Variants in RUNX2 observed in about 807,000 individuals in gnomAD.
The protein encoded by RUNX2 is runt-related transcription factor 2.
In RUNX2, 10 loss-of-function variants were observed where a neutral mutation model predicts 51.7. The ratio of observed to expected loss-of-function variants is 0.19; its 90% CI spans 0.12 to 0.33. The LOEUF (loss-of-function observed/expected upper bound fraction) is 0.33. Ranked by LOEUF, RUNX2 falls within the 10% of genes least tolerant of loss-of-function variation. The pLI is 1.00. For synonymous variants in RUNX2, 276 were observed against 273.6 expected (o/e 1.01, Z -0.09); for missense variants, 562 against 691.3 (o/e 0.81, Z 2.10).
chr6:45,440,392 A>C (rs1798809675), intron 5 of RUNX2, among the ~76,000 whole-genome samples: 1 of 152,188 alleles, frequency 6.6e-6, no homozygotes, highest in Admixed American at 6.5e-5. Flanking sequence ...AGTGAGTATA[A>C]TAGGAGTTTG....
chr6:45,378,390 T>C (rs1477546538), intron 2 of RUNX2, among the ~76,000 whole-genome samples: 2 of 152,074 alleles, frequency 1.3e-5, no homozygotes, highest in Non-Finnish European at 2.9e-5. Flanking sequence ...AACGGGATCT[T>C]AATGGGATTG....
intron 2 of RUNX2, among the ~76,000 whole-genome samples, chr6:45,387,359 T>C (rs1403383898): frequency 6.6e-6 from 1 of 152,150 alleles, no homozygotes; most frequent in Non-Finnish European, 1.5e-5. Context: ...TGGCTGCACA[T>C]TTAGGTTTAG....
At chr6:45,390,962 C>A (rs951017943) in intron 2 of RUNX2, among the ~76,000 whole-genome samples, 1 of 152,136 alleles carries the variant, frequency 6.6e-6, no homozygotes, top group African/African-American at 2.4e-5. Flanking sequence ...TCCCTCTGAT[C>A]AAATCTCTCT....
rs142982585 is a variant in RUNX2 at position 45,479,467 on chromosome 6, C to A, written c.686-12474C>A. On this transcript the variant is annotated intron_variant, in intron 5 of 8. Coordinates refer to ENST00000647337, the MANE Select transcript of RUNX2 (RefSeq NM_001024630.4). ...GTGGGGCCTTGAGAGGACGGTATCC[C>A]TAATTACCTGGATAGAGACATGGAA... Among the ~76,000 whole-genome samples the A allele has an allele frequency of 1.7e-3, 254 of 152,220 alleles. 1 individual carries two copies. Among genetic ancestry groups the A allele is most frequent in the African/African-American group, 5.7e-3 (235 of 41,534 alleles).
chr6:45,383,057 A>G (rs923901572), intron 2 of RUNX2, among the ~76,000 whole-genome samples: 4 of 152,166 alleles, frequency 2.6e-5, no homozygotes, highest in Non-Finnish European at 5.9e-5. Context: ...GGGCAGGTGC[A>G]AGAGATCAGG....
In RUNX2 at chr6:45,491,502, C is replaced by T. The variant is rs75591397; in HGVS notation, c.686-439C>T. ...TTTCCCTTTGACAAATGTGTTTGTC[C>T]GTGTCTCTGCTCCAGCTTTGTGACA... is the stretch of plus-strand genomic sequence containing the variant. On this transcript the variant is annotated intron_variant, in intron 5 of 8. Transcript: ENST00000647337. Among the ~76,000 whole-genome samples the T allele has an allele frequency of 2.8e-3, 429 of 152,076 alleles. 3 individuals are homozygous for T. Among genetic ancestry groups the T allele is most frequent in the African/African-American group, 9.7e-3 (401 of 41,506 alleles).
intron 3 of RUNX2, among the ~76,000 whole-genome samples, chr6:45,426,096 A>T (rs1350473245): frequency 6.6e-6 from 1 of 152,218 alleles, no homozygotes; most frequent in Non-Finnish European, 1.5e-5. Context: ...AGAATGTATT[A>T]GCGTTGTTCA....
chr6:45,436,893 A>G (rs1436620871), intron 4 of RUNX2, among the ~76,000 whole-genome samples: 1 of 152,254 alleles, frequency 6.6e-6, no homozygotes, highest in Non-Finnish European at 1.5e-5. Context: ...TGAGCTTTTT[A>G]AAGGTCTGTT....
At chr6:45,387,867 G>T (rs1797385375) in intron 2 of RUNX2, among the ~76,000 whole-genome samples, 1 of 152,168 alleles carries the variant, frequency 6.6e-6, no homozygotes, top group African/African-American at 2.4e-5. Context: ...GCCAGTTGAA[G>T]GTAATCGTTG....
At chr6:45,443,435 G>A (rs887686364) in intron 5 of RUNX2, among the ~76,000 whole-genome samples, 3 of 152,138 alleles carry the variant, frequency 2.0e-5, no homozygotes, top group African/African-American at 7.2e-5. Context: ...AGACACAGGT[G>A]CAGCCTGGAT....
chr6:45,400,589 G>A (rs943974966), intron 2 of RUNX2, among the ~76,000 whole-genome samples: 1 of 152,212 alleles, frequency 6.6e-6, no homozygotes, highest in African/African-American at 2.4e-5. Context: ...AAAGTTTACA[G>A]TCTTGTGATC....
At chr6:45,415,916 A>G (rs550644534) in intron 2 of RUNX2, among the ~76,000 whole-genome samples, 222 of 152,212 alleles carry the variant, frequency 1.5e-3, no homozygotes, top group Non-Finnish European at 2.7e-3. Context: ...TATTGTCACT[A>G]ATAGGAATAT....
chr6:45,498,281 T>C (rs555773648), intron 6 of RUNX2, among the ~76,000 whole-genome samples: 2 of 152,310 alleles, frequency 1.3e-5, no homozygotes, highest in African/African-American at 4.8e-5. Context: ...GGTACATATT[T>C]CACAGATGGA....
chr6:45,415,849 G>A (rs1431800400), intron 2 of RUNX2, among the ~76,000 whole-genome samples: 2 of 152,100 alleles, frequency 1.3e-5, no homozygotes. Flanking sequence ...ATTTGGAGCT[G>A]CAAGACAATA....
rs568620065 is a variant in RUNX2, at chr6:45,431,294, A to T, written c.424-569A>T. 5.3e-5 allele frequency among the ~76,000 whole-genome samples: 8 copies of T among 152,312 alleles called. No homozygotes were observed. The East Asian group carries it at 1.5e-3, about 29-fold the overall frequency. ...TGGGTCCCACCGCAGTGTGGTTTTC[A>T]GTAAATATACTTTATTAAAAGCTGA... On this transcript the variant is annotated intron_variant, in intron 3 of 8. Transcript: ENST00000647337.
At chr6:45,539,475 G>T (rs531703357) in intron 7 of RUNX2, among the ~76,000 whole-genome samples, 15 of 152,194 alleles carry the variant, frequency 9.9e-5, no homozygotes, top group African/African-American at 4.8e-5. Context: ...ATGATCCATT[G>T]CATGTCTTCT....
chr6:45,387,077 A>G (rs12525950), intron 2 of RUNX2, among the ~76,000 whole-genome samples: 19,090 of 152,188 alleles, frequency 0.13, 1,512 homozygotes, highest in East Asian at 0.3. Context: ...GAGAAATGCT[A>G]AAGAAGTAGA....
intron 2 of RUNX2, among the ~76,000 whole-genome samples, chr6:45,345,414 C>G (rs1790644885): frequency 2.0e-5 from 3 of 152,122 alleles, no homozygotes; most frequent in Non-Finnish European, 4.4e-5. Flanking sequence ...GGCTTCATCT[C>G]AATTTCCATT....
At chr6:45,467,761 AATCTTT>A (rs992689549) in intron 5 of RUNX2, among the ~76,000 whole-genome samples, 1 of 151,992 alleles carries the variant, frequency 6.6e-6, no homozygotes, top group African/African-American at 2.4e-5. Flanking sequence ...ACAACTCCCA[AATCTTT>A]ATCTTTCATT....
Sources: gnomAD v4.1 joint callset for allele counts (sites outside exome capture counted in the v4.1 genomes callset) on GRCh38, gnomAD v4.1.1 for gene constraint, MANE v1.5 for transcripts, NCBI Gene and HGNC (gene_info 2026-07-23, HGNC 2026-07-21) for gene names.